CAPN3: variants seen among roughly 807,000 people sequenced by gnomAD.
CAPN3 encodes the protein calpain-3.
A neutral mutation model predicts 114.0 loss-of-function variants in CAPN3; 88 were observed. The observed-to-expected ratio is 0.77, with a 90% CI of 0.65 to 0.92. The LOEUF (loss-of-function observed/expected upper bound fraction) is 0.92. CAPN3 is among the 40% of genes least tolerant of loss of function. The pLI is 0.00. For synonymous variants in CAPN3, 386 were observed against 382.9 expected (o/e 1.01, Z -0.09); for missense variants, 1,028 against 1,069.0 (o/e 0.96, Z 0.53).
intron 14 of CAPN3, 88 bp downstream of exon 14, chr15:42,403,865 C>G: frequency 8.4e-7 from 1 of 1,188,128 alleles, no homozygotes; most frequent in South Asian, 1.2e-5. Context: ...GGAGAATGGG[C>G]ACTGGCAGAG....
At chr15:42,411,199 C>T in intron 22 of CAPN3, 88 bp from the exon 23 acceptor site, 2 of 1,167,302 alleles carry the variant, frequency 1.7e-6, no homozygotes, top group East Asian at 2.3e-5. Context: ...AGGGACAGCA[C>T]TGGGCACATG....
chr15:42,410,046 C>T, intron 19 of CAPN3, 51 bp downstream of exon 19: 1 of 1,546,614 alleles, frequency 6.5e-7, no homozygotes, highest in East Asian at 2.2e-5. Context: ...CCCACGGGGG[C>T]CAAGGCAACA....
At chr15:42,391,161 AAC>A (rs1360875519) in intron 6 of CAPN3, among the ~76,000 whole-genome samples, 4 of 152,164 alleles carry the variant, frequency 2.6e-5, no homozygotes, top group Admixed American at 2.0e-4. Context: ...ACAATATTCA[AAC>A]ACACAGATAT....
At chr15:42,397,850 C>A (rs2053745757) in intron 9 of CAPN3, among the ~76,000 whole-genome samples, 1 of 151,938 alleles carries the variant, frequency 6.6e-6, no homozygotes, top group East Asian at 1.9e-4. Context: ...TATGGGACCC[C>A]AACTCTACAA....
intron 3 of CAPN3, 115 bp downstream of exon 3, chr15:42,386,400 C>A: frequency 1.2e-6 from 1 of 801,996 alleles, no homozygotes; most frequent in Non-Finnish European, 2.2e-6. Context: ...CCCGCAGCGG[C>A]AACAGTCGGC....
chr15:42,387,672 C>A, intron 3 of CAPN3, 81 bp from the exon 4 acceptor site: 1 of 1,528,088 alleles, frequency 6.5e-7, no homozygotes. Context: ...GATTCAAGAA[C>A]CCCCTGAGGA....
chr15:42,370,894 C>T (rs1023358241), intron 1 of CAPN3, among the ~76,000 whole-genome samples: 5 of 137,450 alleles, frequency 3.6e-5, no homozygotes, highest in Non-Finnish European at 7.4e-5. Flanking sequence ...CATCAGAGCA[C>T]ATAACATCAG....
rs146403258 is a variant in CAPN3 at position 42,394,271 on chromosome 15, G to C, written c.1045G>C (p.Glu349Gln). 5.6e-5 allele frequency: 88 copies of C among 1,559,430 alleles called. No individual in the cohort carries two copies. Among genetic ancestry groups the C allele is most frequent in the Admixed American group, 3.9e-5 (2 of 51,828 alleles). Residue 349 changes from glutamate (E) to glutamine (Q), a missense_variant, in exon 8 of 24, where the codon GAG (glutamate) becomes CAG (glutamine). Glu to Gln is a conservative substitution (Grantham distance 29). Transcript: ENST00000397163. ...TGLDEVPFKGEKVKLVRLRNP... is the reference protein window; with the variant it reads ...TGLDEVPFKGQKVKLVRLRNP... ...TGTGCTTAAGGTCCCGTTCAAAGGT[G>C]AGAAAGTGAAGCTGGTGCGGCTGCG...
At chr15:42,374,121 AG>A in intron 1 of CAPN3, 1 of 152,808 alleles carries the variant, frequency 6.5e-6, no homozygotes, top group Non-Finnish European at 1.5e-5. Flanking sequence ...CCACGGGCTC[AG>A]GGGCCTCCAG....
intron 8 of CAPN3, among the ~76,000 whole-genome samples, chr15:42,395,343 C>G (rs1024437366): frequency 1.5e-4 from 23 of 152,138 alleles, no homozygotes; most frequent in African/African-American, 5.6e-4. Context: ...TTCTGCCAGG[C>G]CCTAGGCTAC....
At chr15:42,402,219 C>T in intron 12 of CAPN3, 84 bp downstream of exon 12, 3 of 1,608,640 alleles carry the variant, frequency 1.9e-6, no homozygotes, top group Non-Finnish European at 2.5e-6. Flanking sequence ...GAGAAGCTTC[C>T]TGGTGGGGTT....
chr15:42,406,804 C>A (rs28364515), intron 15 of CAPN3, among the ~76,000 whole-genome samples: 1 of 152,132 alleles, frequency 6.6e-6, no homozygotes, highest in Non-Finnish European at 1.5e-5. Flanking sequence ...ACACATCCCC[C>A]CTCAGACTGT....
At chr15:42,361,264 G>A (rs1296184802) in intron 1 of CAPN3, among the ~76,000 whole-genome samples, 1 of 152,158 alleles carries the variant, frequency 6.6e-6, no homozygotes, top group Non-Finnish European at 1.5e-5. Flanking sequence ...CCAAGAGTTA[G>A]AGACCAGCCT....
chr15:42,393,243 T>C (rs1022648633), intron 7 of CAPN3, among the ~76,000 whole-genome samples: 9 of 152,266 alleles, frequency 5.9e-5, no homozygotes, highest in African/African-American at 4.8e-5. Flanking sequence ...GGAAATGCTA[T>C]GTAAATAGTT....
intron 11 of CAPN3, 140 bp from the exon 12 acceptor site, chr15:42,401,980 TAGAG>T (rs1290541368): frequency 4.6e-6 from 6 of 1,309,414 alleles, no homozygotes; most frequent in Non-Finnish European, 6.6e-6. Context: ...GGGGGGGCAT[TAGAG>T]AGGCAGTGGA....
At chr15:42,409,438 G>C in intron 17 of CAPN3, 58 bp downstream of exon 17, 1 of 1,439,204 alleles carries the variant, frequency 6.9e-7, no homozygotes, top group East Asian at 2.3e-5. Flanking sequence ...TGGATTAACT[G>C]CTCAGATTAC....
intron 1 of CAPN3, among the ~76,000 whole-genome samples, chr15:42,375,272 G>A (rs2053059415): frequency 6.6e-6 from 1 of 152,054 alleles, no homozygotes; most frequent in Non-Finnish European, 1.5e-5. Flanking sequence ...AGAAATGGAA[G>A]GATGGAGACC....
At chr15:42,397,459 G>A (rs911404630) in intron 9 of CAPN3, among the ~76,000 whole-genome samples, 2 of 152,100 alleles carry the variant, frequency 1.3e-5, no homozygotes, top group African/African-American at 4.8e-5. Context: ...GGCTAACACG[G>A]TGAAACCCTG....
chr15:42,384,426 T>C, intron 1 of CAPN3, 57 bp from the exon 2 acceptor site: 1 of 1,241,336 alleles, frequency 8.1e-7, no homozygotes. Flanking sequence ...AATACCTATC[T>C]ATCTATCTGT....
Sources: gnomAD v4.1 joint callset for allele counts (sites outside exome capture counted in the v4.1 genomes callset) on GRCh38, gnomAD v4.1.1 for gene constraint, MANE v1.5 for transcripts, NCBI Gene and HGNC (gene_info 2026-07-23, HGNC 2026-07-21) for gene names.